Variants in LRMDA observed in about 807,000 individuals in gnomAD.
The protein encoded by LRMDA is leucine rich melanocyte differentiation associated, also known as leucine-rich melanocyte differentiation-associated protein.
LRMDA carries 18 observed loss-of-function variants against 29.8 expected under a neutral mutation model. The ratio of observed to expected loss-of-function variants is 0.60; its 90% CI spans 0.42 to 0.90. The LOEUF (loss-of-function observed/expected upper bound fraction) is 0.90. Ranked by LOEUF, LRMDA falls within the 40% of genes least tolerant of loss-of-function variation. The pLI is 0.00. For synonymous variants in LRMDA, 125 were observed against 109.4 expected, an observed-to-expected ratio of 1.14 and a Z score of -0.89; for missense variants, 273 against 273.9, an observed-to-expected ratio of 1.00 and a Z score of 0.02.
chr10:76,144,239 G>T (rs113695108), intron 5 of LRMDA, among the ~76,000 whole-genome samples: 20,600 of 152,160 alleles, frequency 0.14, 1,548 homozygotes, highest in East Asian at 0.24. Context: ...AAAGCCATTG[G>T]TAGCTTGATG....
At chr10:75,631,461 T>C (rs1386294998) in intron 2 of LRMDA, among the ~76,000 whole-genome samples, 1 of 151,008 alleles carries the variant, frequency 6.6e-6, no homozygotes, top group Non-Finnish European at 1.5e-5. Context: ...GGCCATAAGA[T>C]CAACTCCCCA....
chr10:75,683,813 A>G (rs918633159), intron 2 of LRMDA, among the ~76,000 whole-genome samples: 3 of 151,994 alleles, frequency 2.0e-5, no homozygotes, highest in Non-Finnish European at 4.4e-5. Context: ...TTACACACCT[A>G]CTCTGTGCTA....
intron 3 of LRMDA, among the ~76,000 whole-genome samples, chr10:76,041,309 A>G (rs1848334695): frequency 6.6e-6 from 1 of 152,132 alleles, no homozygotes; most frequent in Non-Finnish European, 1.5e-5. Flanking sequence ...AGTGTTTTAA[A>G]TTTTGCTTTT....
At chr10:75,562,656 A>C (rs1182912300) in intron 2 of LRMDA, among the ~76,000 whole-genome samples, 2 of 152,084 alleles carry the variant, frequency 1.3e-5, no homozygotes, top group Non-Finnish European at 2.9e-5. Flanking sequence ...ATGATTTTGC[A>C]GTGGCTGGTA....
rs190268934 is a variant in LRMDA at position 75,630,112 on chromosome 10, G to C, written c.131+191618G>C. ...TTATATCCCAAGTTAAAATTTGCCT[G>C]ATGGAAGGCCTGGGCCTGGGGTGAT... On this transcript the variant is annotated intron_variant, in intron 2 of 6. Coordinates refer to ENST00000611255, the MANE Select transcript of LRMDA (RefSeq NM_001305581.2). Among the ~76,000 whole-genome samples, 206 of 152,320 alleles carry C rather than the reference G, an allele frequency of 1.4e-3. 2 individuals carry two copies. Among genetic ancestry groups the C allele is most frequent in the African/African-American group, 5.0e-3 (206 of 41,562 alleles).
chr10:75,595,112 T>C (rs998789818), intron 2 of LRMDA, among the ~76,000 whole-genome samples: 2 of 152,236 alleles, frequency 1.3e-5, no homozygotes, highest in African/African-American at 4.8e-5. Flanking sequence ...TGATTTTGAC[T>C]TTTGAGCATG....
intron 2 of LRMDA, among the ~76,000 whole-genome samples, chr10:75,484,840 T>C (rs1455578231): frequency 1.3e-5 from 2 of 152,228 alleles, no homozygotes; most frequent in East Asian, 1.9e-4. Flanking sequence ...ACCTTGATCT[T>C]GGAACTCTAG....
At chr10:75,544,314 T>C (rs938065856) in intron 2 of LRMDA, among the ~76,000 whole-genome samples, 1 of 152,212 alleles carries the variant, frequency 6.6e-6, no homozygotes, top group African/African-American at 2.4e-5. Context: ...TTTAGAATTA[T>C]TCTTAAAAAA....
intron 2 of LRMDA, among the ~76,000 whole-genome samples, chr10:75,730,378 C>T (rs906832752): frequency 2.0e-5 from 3 of 152,170 alleles, no homozygotes; most frequent in African/African-American, 7.2e-5. Context: ...TTCACCTCTT[C>T]AGTATGGTGA....
chr10:75,766,489 G>A (rs1241227949), intron 2 of LRMDA, among the ~76,000 whole-genome samples: 3 of 152,186 alleles, frequency 2.0e-5, no homozygotes, highest in Non-Finnish European at 4.4e-5. Context: ...TTTCCACTGA[G>A]GTGGGCAATG....
intron 2 of LRMDA, among the ~76,000 whole-genome samples, chr10:75,746,055 T>G (rs1312401771): frequency 6.6e-6 from 1 of 152,220 alleles, no homozygotes; most frequent in Admixed American, 6.5e-5. Flanking sequence ...GTTTCTGCAC[T>G]GTGAAGTTAC....
In LRMDA at chr10:75,794,317, G is replaced by T. The variant is rs76249369; in HGVS notation, c.132-241691G>T. Among the ~76,000 whole-genome samples the T allele has an allele frequency of 1.9e-3, 286 of 152,222 alleles. 2 individuals carry two copies. Among genetic ancestry groups the T allele is most frequent in the African/African-American group, 6.6e-3 (275 of 41,520 alleles). ...GTATCATAAAACTATCCCATTTTAT[G>T]AATATAGAATTCATTTTCTTGTTGA... On this transcript the variant is annotated intron_variant, in intron 2 of 6. Transcript: ENST00000611255.
At chr10:75,825,843 C>T (rs142577587) in intron 2 of LRMDA, among the ~76,000 whole-genome samples, 632 of 152,256 alleles carry the variant, frequency 4.2e-3, no homozygotes, top group Non-Finnish European at 7.1e-3. Context: ...TCATAAGACT[C>T]TTGAAGGCGG....
chr10:75,884,267 G>A (rs1845343594), intron 2 of LRMDA, among the ~76,000 whole-genome samples: 1 of 150,378 alleles, frequency 6.6e-6, no homozygotes, highest in African/African-American at 2.5e-5. Context: ...GTGTGTGTGT[G>A]TGTGTGTGTG....
Position 76,557,554 on chromosome 10 carries a change from C to T in LRMDA, c.*266C>T. 1.9e-6 allele frequency: 1 copy of T among 522,218 alleles called. No individual in the cohort carries two copies. Among genetic ancestry groups the T allele is most frequent in the Non-Finnish European group, 3.4e-6 (1 of 291,350 alleles). The allele number at this position is 522,218 out of a possible 1,614,324, so 32.3% of individuals were successfully genotyped here. A position where few individuals can be genotyped will look rare whatever the true frequency, so the allele number is the denominator to read the frequency against. On this transcript the variant is annotated 3_prime_UTR_variant, in exon 7 of 7. Coordinates refer to ENST00000611255, the MANE Select transcript of LRMDA (RefSeq NM_001305581.2). ...AGGGTGACAGACAGCGGTGGCAAAG[C>T]AACAGGGCTGACAGCATGAACACCA...
chr10:75,652,770 A>G (rs1589147203), intron 2 of LRMDA, among the ~76,000 whole-genome samples: 1 of 152,300 alleles, frequency 6.6e-6, no homozygotes, highest in East Asian at 1.9e-4. Flanking sequence ...GCATTCTGTG[A>G]AAATAGGGTC....
chr10:75,974,541 A>C (rs993748279), intron 2 of LRMDA, among the ~76,000 whole-genome samples: 2 of 152,184 alleles, frequency 1.3e-5, no homozygotes, highest in Non-Finnish European at 2.9e-5. Context: ...TATTGCTTTT[A>C]TAGCCTTACA....
chr10:75,922,635 C>T (rs1846045574), intron 2 of LRMDA, among the ~76,000 whole-genome samples: 1 of 152,188 alleles, frequency 6.6e-6, no homozygotes, highest in Non-Finnish European at 1.5e-5. Flanking sequence ...ACACTGCCCT[C>T]TACTTCCCAC....
chr10:75,882,895 T>A (rs905673670), intron 2 of LRMDA: 1 of 152,300 alleles, frequency 6.6e-6, no homozygotes. Context: ...TGGTGGCTGC[T>A]GGGGAATGAT....
Sources: allele counts gnomAD v4.1 joint callset (sites outside exome capture counted in the v4.1 genomes callset), GRCh38; gene constraint gnomAD v4.1.1; transcripts MANE v1.5; gene names NCBI Gene and HGNC (gene_info 2026-07-23, HGNC 2026-07-21).